The following LRGUK variants were observed in gnomAD, a reference collection of about 807,000 sequenced individuals.
The protein encoded by LRGUK is leucine rich repeats and guanylate kinase domain containing.
A neutral mutation model predicts 76.0 loss-of-function variants in LRGUK; 65 were observed. The ratio of observed to expected loss-of-function variants is 0.85; its 90% CI spans 0.70 to 1.05. LRGUK has a LOEUF of 1.05. LRGUK is among the 50% of genes least tolerant of loss of function. LRGUK has a pLI of 0.00. For synonymous variants in LRGUK, 268 were observed against 265.6 expected, an observed-to-expected ratio of 1.01 and a Z score of -0.09; for missense variants, 758 against 732.8, an observed-to-expected ratio of 1.03 and a Z score of -0.40.
At chr7:134,178,293 C>A (rs574642533) in intron 9 of LRGUK, among the ~76,000 whole-genome samples, 12 of 152,014 alleles carry the variant, frequency 7.9e-5, no homozygotes, top group African/African-American at 2.9e-4. Context: ...AAAGACTCCA[C>A]TCAATATTTT....
At chr7:134,227,417 T>C (rs574006121) in intron 16 of LRGUK, among the ~76,000 whole-genome samples, 1 of 152,322 alleles carries the variant, frequency 6.6e-6, no homozygotes, top group South Asian at 2.1e-4. Flanking sequence ...AGATCCCAGA[T>C]GTCCCTAGGT....
At chr7:134,208,953 A>T (rs1169939439) in exon 16 of LRGUK, 1 of 398,918 alleles carries the variant, frequency 2.5e-6, no homozygotes, top group Non-Finnish European at 4.4e-6. Flanking sequence ...CTCCCTCAAC[A>T]CCTCAGTTCA....
chr7:134,147,192 C>A (rs1474345390), intron 4 of LRGUK, among the ~76,000 whole-genome samples: 1 of 152,032 alleles, frequency 6.6e-6, no homozygotes, highest in Non-Finnish European at 1.5e-5. Flanking sequence ...ACGGGTGGAT[C>A]AGGAGGTTGG....
chr7:134,227,749 G>C (rs1585580702), intron 16 of LRGUK, among the ~76,000 whole-genome samples: 1 of 152,088 alleles, frequency 6.6e-6, no homozygotes, highest in African/African-American at 2.4e-5. Flanking sequence ...AACCTGGGGG[G>C]AAACAGTAAC....
intron 1 of LRGUK, among the ~76,000 whole-genome samples, chr7:134,135,136 T>C (rs1481252338): frequency 6.6e-6 from 1 of 151,904 alleles, no homozygotes; most frequent in Non-Finnish European, 1.5e-5. Flanking sequence ...AAAAAAGCAG[T>C]GAGATTTGAG....
chr7:134,135,890 TTG>T (rs1797515753), intron 1 of LRGUK, among the ~76,000 whole-genome samples: 3 of 152,158 alleles, frequency 2.0e-5, no homozygotes, highest in Admixed American at 1.3e-4. Context: ...TCTCCTGACC[TTG>T]CGAACCGCCC....
chr7:134,199,237 AT>A lies in LRGUK; in HGVS notation c.1564del (p.Tyr522IlefsTer14), dbSNP rs1800645858. 8.7e-6 allele frequency: 14 copies of A among 1,613,638 alleles called. No homozygotes were observed. The highest frequency in any genetic ancestry group is 1.1e-5 in the Non-Finnish European group (13 of 1,179,806). The stretch of plus-strand genomic sequence containing the variant: ...ATGCACAGGGTGTAAGAAGTTTGAA[AT>A]ATTCCTATTTTGAGCCTCGTTATAT... On this transcript the variant is annotated frameshift_variant, in exon 14 of 16. Transcript: ENST00000645682. LOFTEE classifies it high-confidence loss of function.
At chr7:134,172,257 C>A (rs2116972050) in intron 7 of LRGUK, among the ~76,000 whole-genome samples, 1 of 152,148 alleles carries the variant, frequency 6.6e-6, no homozygotes, top group African/African-American at 2.4e-5. Flanking sequence ...GGAATTCATA[C>A]TTGTTTTACT....
chr7:134,178,083 C>T (rs549571839), intron 9 of LRGUK, among the ~76,000 whole-genome samples: 1 of 152,136 alleles, frequency 6.6e-6, no homozygotes, highest in South Asian at 2.1e-4. Flanking sequence ...GAAAACATTC[C>T]GCATGCATCA....
At chr7:134,232,389 C>T (rs889828084) in intron 16 of LRGUK, among the ~76,000 whole-genome samples, 17 of 152,120 alleles carry the variant, frequency 1.1e-4, no homozygotes, top group Non-Finnish European at 1.8e-4. Flanking sequence ...AGTGATTCTC[C>T]GGCCTCAGCC....
intron 16 of LRGUK, among the ~76,000 whole-genome samples, chr7:134,233,026 C>T (rs1431912765): frequency 6.6e-6 from 1 of 152,126 alleles, no homozygotes; most frequent in Non-Finnish European, 1.5e-5. Flanking sequence ...AAGTGCACAG[C>T]TCTTTTCTTA....
intron 2 of LRGUK, 49 bp downstream of exon 2, chr7:134,137,179 A>G: frequency 1.5e-6 from 2 of 1,351,190 alleles, no homozygotes; most frequent in Non-Finnish European, 2.1e-6. Flanking sequence ...GACACTGGCT[A>G]GACCATATTC....
At chr7:134,255,092 A>G (rs564760757) in intron 18 of LRGUK, among the ~76,000 whole-genome samples, 12 of 152,174 alleles carry the variant, frequency 7.9e-5, no homozygotes, top group Non-Finnish European at 1.6e-4. Flanking sequence ...AGATAAGTCA[A>G]TCCAAAACAA....
intron 10 of LRGUK, among the ~76,000 whole-genome samples, chr7:134,180,588 A>G (rs965880573): frequency 3.9e-5 from 6 of 152,276 alleles, no homozygotes; most frequent in Non-Finnish European, 7.4e-5. Context: ...CAAATCCCAT[A>G]ATTACTCATT....
intron 3 of LRGUK, among the ~76,000 whole-genome samples, chr7:134,141,448 G>A (rs1043944268): frequency 6.6e-6 from 1 of 152,208 alleles, no homozygotes; most frequent in Non-Finnish European, 1.5e-5. Flanking sequence ...GACACGAGGA[G>A]CTCCTGCCCT....
At chr7:134,129,128 TTCCC>T (rs1051927815) in intron 1 of LRGUK, among the ~76,000 whole-genome samples, 18 of 112,008 alleles carry the variant, frequency 1.6e-4, no homozygotes, top group East Asian at 3.0e-4. Flanking sequence ...CCCTCCCTCT[TTCCC>T]TCCCTCCCTC....
chr7:134,145,179 G>A (rs1269877127), intron 4 of LRGUK, among the ~76,000 whole-genome samples: 2 of 152,162 alleles, frequency 1.3e-5, no homozygotes, highest in African/African-American at 4.8e-5. Flanking sequence ...GGTGCTGCAA[G>A]CCACTGTGAG....
intron 15 of LRGUK, among the ~76,000 whole-genome samples, chr7:134,207,224 A>G (rs1201866677): frequency 6.6e-6 from 1 of 152,206 alleles, no homozygotes; most frequent in Admixed American, 6.5e-5. Context: ...AATGGTACTA[A>G]TTACATTTAC....
intron 1 of LRGUK, among the ~76,000 whole-genome samples, chr7:134,135,630 C>G (rs1158788087): frequency 6.6e-6 from 1 of 152,156 alleles, no homozygotes; most frequent in African/African-American, 2.4e-5. Flanking sequence ...GGCTGGGGTT[C>G]AAGCCATGCC....
Sources: gnomAD v4.1 joint callset for allele counts (sites outside exome capture counted in the v4.1 genomes callset) on GRCh38, gnomAD v4.1.1 for gene constraint, MANE v1.5 for transcripts, NCBI Gene and HGNC (gene_info 2026-07-23, HGNC 2026-07-21) for gene names.